The following MRAP2 variants were observed in gnomAD, a reference collection of about 807,000 sequenced individuals.
MRAP2 encodes the protein melanocortin-2 receptor accessory protein 2.
Under a neutral mutation model 17.4 loss-of-function variants are expected in MRAP2, and 20 were observed. The observed-to-expected ratio is 1.15, with a 90% CI of 0.81 to 1.67. MRAP2 has a LOEUF of 1.67. Ranked by LOEUF, MRAP2 falls within the 40% of genes most tolerant of loss-of-function variation. The pLI, the probability that MRAP2 is intolerant of heterozygous loss-of-function variation, is 0.00. For missense variants in MRAP2, 238 were observed against 240.0 expected (o/e 0.99, Z 0.05); for synonymous variants, 96 against 88.4 (o/e 1.09, Z -0.48).
chr6:84,101,010 G>A, the MRAP2 span, among the ~76,000 whole-genome samples: 1 of 152,102 alleles, frequency 6.6e-6, no homozygotes, highest in Non-Finnish European at 1.5e-5. Context: ...TGACACTAAT[G>A]TACTTTCAAA....
At chr6:84,065,276 C>T (rs1366813168) in intron 3 of MRAP2, among the ~76,000 whole-genome samples, 1 of 143,438 alleles carries the variant, frequency 7.0e-6, no homozygotes, top group Non-Finnish European at 1.5e-5. Flanking sequence ...CAGAGTAAGA[C>T]CCTGTCTCAA....
At chr6:84,060,124 C>G (rs749059213) in intron 2 of MRAP2, among the ~76,000 whole-genome samples, 1 of 152,124 alleles carries the variant, frequency 6.6e-6, no homozygotes, top group East Asian at 1.9e-4. Context: ...TGTGAATAAG[C>G]AGAGCTACTT....
chr6:84,131,720 C>G, the MRAP2 span, among the ~76,000 whole-genome samples: 287 of 151,402 alleles, frequency 1.9e-3, 3 homozygotes, highest in Middle Eastern at 0.058. Context: ...ATCCCTTTAT[C>G]TTGAGCCTAT....
At chr6:84,145,768 A>G in the MRAP2 span, among the ~76,000 whole-genome samples, 2 of 152,170 alleles carry the variant, frequency 1.3e-5, no homozygotes, top group Admixed American at 6.6e-5. Flanking sequence ...AACAGCTAAT[A>G]TACGGACAAT....
At chr6:84,123,708 A>C in the MRAP2 span, among the ~76,000 whole-genome samples, 9 of 152,122 alleles carry the variant, frequency 5.9e-5, no homozygotes, top group Admixed American at 2.0e-4. Flanking sequence ...AAATGCAACA[A>C]AACCAAAAAT....
the MRAP2 span, among the ~76,000 whole-genome samples, chr6:84,138,404 A>G: frequency 6.6e-6 from 1 of 152,206 alleles, no homozygotes; most frequent in Non-Finnish European, 1.5e-5. Flanking sequence ...GCTCACACAG[A>G]GGTGGGAATA....
chr6:84,045,376 C>T (rs924776070), intron 1 of MRAP2: 19 of 985,192 alleles, frequency 1.9e-5, no homozygotes, highest in Non-Finnish European at 2.3e-5. Context: ...GGCAAGCCTG[C>T]CCCCAAGACC....
chr6:84,045,398 G>A (rs1252491863), intron 1 of MRAP2: 2 of 984,992 alleles, frequency 2.0e-6, no homozygotes, highest in South Asian at 4.7e-5. Flanking sequence ...CTGTGCTCTG[G>A]AGCCACCTCC....
intron 3 of MRAP2, among the ~76,000 whole-genome samples, chr6:84,078,930 CAG>C (rs1306772371): frequency 1.3e-5 from 2 of 152,184 alleles, no homozygotes; most frequent in African/African-American, 2.4e-5. Flanking sequence ...CGGACTACAA[CAG>C]AGGTGGAAAA....
chr6:84,134,211 C>A, the MRAP2 span, among the ~76,000 whole-genome samples: 1 of 152,172 alleles, frequency 6.6e-6, no homozygotes, highest in African/African-American at 2.4e-5. Context: ...ACTCCCCCCA[C>A]CAAGCTTGAG....
At chr6:84,100,801 A>T in the MRAP2 span, among the ~76,000 whole-genome samples, 3 of 152,140 alleles carry the variant, frequency 2.0e-5, no homozygotes, top group Non-Finnish European at 2.9e-5. Context: ...ACCTTTCAAG[A>T]TCAGGAATCT....
the MRAP2 span, among the ~76,000 whole-genome samples, chr6:84,127,971 T>C: frequency 6.6e-6 from 1 of 152,222 alleles, no homozygotes; most frequent in African/African-American, 2.4e-5. Context: ...GGCATTAGGC[T>C]GAGCACTTTA....
intron 3 of MRAP2, among the ~76,000 whole-genome samples, chr6:84,077,315 G>A (rs969737765): frequency 6.6e-6 from 1 of 152,220 alleles, no homozygotes; most frequent in Non-Finnish European, 1.5e-5. Flanking sequence ...TTGACAGACA[G>A]ACTGGTGGAA....
At chr6:84,134,084 C>CGGCTATG in the MRAP2 span, among the ~76,000 whole-genome samples, 1 of 152,192 alleles carries the variant, frequency 6.6e-6, no homozygotes, top group East Asian at 1.9e-4. Flanking sequence ...AGAGGCATTC[C>CGGCTATG]GGCTATGGCG....
chr6:84,126,718 C>A, the MRAP2 span, among the ~76,000 whole-genome samples: 1 of 152,090 alleles, frequency 6.6e-6, no homozygotes, highest in Admixed American at 6.6e-5. Context: ...TAAGAGGTTC[C>A]GGATGAATGG....
chr6:84,095,265 G>C (rs2099502468), downstream of MRAP2, among the ~76,000 whole-genome samples: 1 of 152,154 alleles, frequency 6.6e-6, no homozygotes, highest in Non-Finnish European at 1.5e-5. Flanking sequence ...AAATAAACCT[G>C]CTCTATGCTC....
chr6:84,039,903 A>G (rs1035189415), intron 1 of MRAP2, among the ~76,000 whole-genome samples: 7 of 152,236 alleles, frequency 4.6e-5, no homozygotes, highest in African/African-American at 1.4e-4. Context: ...AAACCTTTGT[A>G]TAGATTATTT....
At chr6:84,143,035 A>G in the MRAP2 span, among the ~76,000 whole-genome samples, 1 of 152,096 alleles carries the variant, frequency 6.6e-6, no homozygotes, top group African/African-American at 2.4e-5. Flanking sequence ...AATAATTACT[A>G]TGTTTTATGT....
At chr6:84,100,561 C>T in the MRAP2 span, among the ~76,000 whole-genome samples, 1 of 152,166 alleles carries the variant, frequency 6.6e-6, no homozygotes, top group African/African-American at 2.4e-5. Flanking sequence ...GCCAACATGC[C>T]TGGCCAGAAT....
Sources: gnomAD v4.1 joint callset for allele counts (sites outside exome capture counted in the v4.1 genomes callset) on GRCh38, gnomAD v4.1.1 for gene constraint, MANE v1.5 for transcripts, NCBI Gene and HGNC (gene_info 2026-07-23, HGNC 2026-07-21) for gene names.